PIEZO2: variants seen among roughly 807,000 people sequenced by gnomAD.
The protein encoded by PIEZO2 is piezo type mechanosensitive ion channel component 2.
In PIEZO2, 172 loss-of-function variants were observed where a neutral mutation model predicts 337.3. The ratio of observed to expected loss-of-function variants is 0.51; its 90% confidence interval spans 0.45 to 0.58. The LOEUF (loss-of-function observed/expected upper bound fraction) is 0.58, where lower values mean the gene tolerates loss of function less well. Ranked by LOEUF, PIEZO2 falls within the 20% of genes least tolerant of loss-of-function variation. The probability of loss-of-function intolerance (pLI) is 0.00; values close to 1 mark genes in which losing one functional copy is unlikely to be tolerated. For missense variants in PIEZO2, 3,028 were observed against 3,391.3 expected (o/e 0.89, Z 2.66); for synonymous variants, 1,251 against 1,228.5 (o/e 1.02, Z -0.38).
Position 10,773,627 on chromosome 18 carries a change from A to G in PIEZO2, c.2570T>C (p.Leu857Pro). Reference protein sequence around the residue: ...KKKLPIHQNELAHPEGSLPDL... With the variant: ...KKKLPIHQNEPAHPEGSLPDL... ...CGGGAGGCTTCCTTCCGGGTGGGCC[A>G]GTCTGTTGGCAGAGAGCAGCTGAGT... Residue 857 changes from leucine (L) to proline (P), a missense_variant and splice_region_variant, in exon 20 of 56, where the codon CTG (leucine) becomes CCG (proline). Physicochemically the swap from Leu to Pro is moderately conservative, Grantham distance 98. Around this residue, in one of 5 missense-constraint regions of PIEZO2, gnomAD observed 1,925 missense variants for 2,051.9 expected, o/e 0.94. Coordinates refer to ENST00000674853, the MANE Select transcript of PIEZO2 (RefSeq NM_001378183.1). The surrounding 1 kb of genome is among the most constrained non-coding windows in gnomAD (Gnocchi z 5.3). 3.3e-6 allele frequency: 5 copies of G among 1,537,242 alleles called. No individual in the cohort carries two copies. Among genetic ancestry groups the G allele is most frequent in the South Asian group, 2.4e-5 (2 of 84,056 alleles).
rs763442090 is a variant in PIEZO2 at position 10,858,086 on chromosome 18, C to G, written c.493-875G>C. On this transcript the variant is annotated intron_variant, in intron 5 of 55. Transcript: ENST00000674853. ...CCTGTAATCCCAGCACTTTGGGAGG[C>G]TGAGGCGGCCAGATCACGAAGTCAA... Among the ~76,000 whole-genome samples, 14 of 148,884 alleles carry G rather than the reference C, an allele frequency of 9.4e-5. No homozygotes were observed. The South Asian group carries it at 1.0e-3, about 11-fold the overall frequency.
At position 10,682,775 on chromosome 18, in the gene PIEZO2, T is replaced by TTGTATCATGTTGTTCAACACC. The variant is rs11283859; in HGVS notation, c.7498-484_7498-483insGGTGTTGAACAACATGATACA. ...TTAATTTAATTCATGACACGTGTTGTTAAAGACAATGTTGTTCGACACCTA... is the reference window on the plus strand; with the variant it reads ...TTAATTTAATTCATGACACGTGTTGTTGTATCATGTTGTTCAACACCTAAAGACAATGTTGTTCGACACCTA... On this transcript the variant is annotated intron_variant, in intron 49 of 55. Coordinates refer to ENST00000674853, the MANE Select transcript of PIEZO2 (RefSeq NM_001378183.1). The surrounding 1 kb of genome is among the most constrained non-coding windows in gnomAD (Gnocchi z 5.6). Among the ~76,000 whole-genome samples, 9 of 151,948 alleles carry TTGTATCATGTTGTTCAACACC rather than the reference T, an allele frequency of 5.9e-5. No homozygotes were observed. The highest frequency in any genetic ancestry group is 1.5e-4 in the African/African-American group (6 of 41,378).
chr18:10,851,810 G>A (rs2041561710), intron 7 of PIEZO2, among the ~76,000 whole-genome samples: 1 of 152,132 alleles, frequency 6.6e-6, no homozygotes, highest in South Asian at 2.1e-4. Context: ...TGAAAGAACT[G>A]TGACAAAGAG....
intron 48 of PIEZO2, 35 bp from the exon 49 acceptor site, chr18:10,689,837 G>T: frequency 1.3e-6 from 2 of 1,576,094 alleles, no homozygotes; most frequent in East Asian, 2.3e-5. Flanking sequence ...AGAGACATTC[G>T]TGGGTGGCCC....
chr18:10,984,599 C>A (rs1482091988), intron 2 of PIEZO2, among the ~76,000 whole-genome samples: 1 of 151,942 alleles, frequency 6.6e-6, no homozygotes, highest in African/African-American at 2.4e-5. Context: ...ACTTACAGGA[C>A]ACTATCAAGT....
chr18:10,911,102 T>A (rs1407349267), intron 4 of PIEZO2, 84 bp downstream of exon 4: 2 of 920,760 alleles, frequency 2.2e-6, no homozygotes, highest in Non-Finnish European at 3.1e-6. Context: ...ACAGGACTAT[T>A]GATTTATAAT....
rs868270297 is a variant in PIEZO2 at position 10,856,295 on chromosome 18, T to A, written c.703+706A>T. 5.7e-4 allele frequency among the ~76,000 whole-genome samples: 87 copies of A among 152,358 alleles called. 1 individual carries two copies. Among genetic ancestry groups the A allele is most frequent in the Middle Eastern group, 3.4e-3 (1 of 290 alleles). On this transcript the variant is annotated intron_variant, in intron 6 of 55. Transcript: ENST00000674853. The surrounding 1 kb of genome is among the most constrained non-coding windows in gnomAD (Gnocchi z 4.7). ...TTATTGGGCATTTTGAAAGGACTCC[T>A]CATTAAAATGTTGTGGTTTATTTCT...
chr18:10,801,726 G>A lies in PIEZO2; in HGVS notation c.1201-298C>T, dbSNP rs7241782. 0.28 allele frequency among the ~76,000 whole-genome samples: 42,525 copies of A among 152,002 alleles called. 6,967 individuals are homozygous for A. The highest frequency in any genetic ancestry group is 0.41 in the Middle Eastern group (120 of 294). ...TCTACAAGAATAAGCGCTTAGTTTT[G>A]TACCCGTTTGAGACATCTGCAGAAT... On this transcript the variant is annotated intron_variant, in intron 9 of 55. Transcript: ENST00000674853.
chr18:10,778,201 A>G (rs2038855007), intron 18 of PIEZO2, among the ~76,000 whole-genome samples: 1 of 152,208 alleles, frequency 6.6e-6, no homozygotes, highest in African/African-American at 2.4e-5. Flanking sequence ...TACTTTATTA[A>G]AGGATTCACC....
chr18:10,881,068 A>C (rs190907511), intron 4 of PIEZO2, among the ~76,000 whole-genome samples: 1 of 151,792 alleles, frequency 6.6e-6, no homozygotes, highest in African/African-American at 2.4e-5. Context: ...ATTCAAATCA[A>C]GGGATTCCAA....
chr18:10,948,077 C>G (rs1271982353), intron 3 of PIEZO2, among the ~76,000 whole-genome samples: 1 of 152,076 alleles, frequency 6.6e-6, no homozygotes, highest in Admixed American at 6.6e-5. Context: ...TTAAACATAT[C>G]AATTATCACA....
rs539595699 is a variant in PIEZO2 at position 11,106,418 on chromosome 18, C to CTTTTTTTTTT, written c.65-40206_65-40197dup. ...CGGCCCATTTTTTTCTTTCCTCTCT[C>CTTTTTTTTTT]TTTTTTTTTTTTTTTTTCTGAGACA... On this transcript the variant is annotated intron_variant, in intron 1 of 55. Coordinates refer to ENST00000674853, the MANE Select transcript of PIEZO2 (RefSeq NM_001378183.1). 1.5e-4 allele frequency among the ~76,000 whole-genome samples: 20 copies of CTTTTTTTTTT among 129,598 alleles called. 1 individual carries two copies. The highest frequency in any genetic ancestry group is 5.7e-4 in the African/African-American group (18 of 31,834). 85.0% of individuals were successfully genotyped at this position (129,598 alleles called of 152,430 possible).
In PIEZO2 at chr18:11,031,970, C is replaced by T. The variant is rs2036754798; in HGVS notation, c.160+34157G>A. ...TCTCTCTCTGTCTTTCTCTGTTTCT[C>T]TCTGTCTCTCTCTCACACACATACG... On this transcript the variant is annotated intron_variant, in intron 2 of 55. Coordinates refer to ENST00000674853, the MANE Select transcript of PIEZO2 (RefSeq NM_001378183.1). The surrounding 1 kb of genome is among the most constrained non-coding windows in gnomAD (Gnocchi z 4.7). Among the ~76,000 whole-genome samples the T allele has an allele frequency of 6.6e-6, 1 of 152,170 alleles. No homozygotes were observed. The highest frequency in any genetic ancestry group is 1.5e-5 in the Non-Finnish European group (1 of 68,036).
intron 3 of PIEZO2, among the ~76,000 whole-genome samples, chr18:10,938,825 G>A (rs2032548033): frequency 6.6e-6 from 1 of 152,172 alleles, no homozygotes; most frequent in Non-Finnish European, 1.5e-5. Flanking sequence ...AGTGGCTCAT[G>A]CCTGTAATCC....
In PIEZO2 at chr18:10,773,407, A is replaced by G; in HGVS notation, c.2785+5T>C. 3 of 1,537,200 alleles carry G rather than the reference A, an allele frequency of 2.0e-6. No individual in the cohort carries two copies. The highest frequency in any genetic ancestry group is 1.7e-6 in the Non-Finnish European group (2 of 1,146,912). On this transcript the variant is annotated splice_donor_5th_base_variant and intron_variant, in intron 20 of 55. Coordinates refer to ENST00000674853, the MANE Select transcript of PIEZO2 (RefSeq NM_001378183.1). The surrounding 1 kb of genome is among the most constrained non-coding windows in gnomAD (Gnocchi z 5.3). ...CTGACCAGCTGCTGGTAGTGGGCTG[A>G]TTACCTGATGTTTCTTCCTCCTCCT...
chr18:10,843,341 T>G (rs745354942), intron 7 of PIEZO2, among the ~76,000 whole-genome samples: 3 of 152,006 alleles, frequency 2.0e-5, no homozygotes, highest in Non-Finnish European at 2.9e-5. Flanking sequence ...ATAAAAAGTT[T>G]GATAGCTAAG....
chr18:11,005,359 C>T (rs112261937), intron 2 of PIEZO2, among the ~76,000 whole-genome samples: 4 of 152,300 alleles, frequency 2.6e-5, no homozygotes, highest in East Asian at 1.9e-4. Context: ...TATAACTTTG[C>T]GTTTGTCTTT....
In PIEZO2 at chr18:10,840,312, G is replaced by A. The variant is rs1052538564; in HGVS notation, c.917+15041C>T. On this transcript the variant is annotated intron_variant, in intron 7 of 55. Transcript: ENST00000674853. ...AATTAATACATAATTTACTTTCATCGAGATGCATGCTTGTGCCATGTATGT... is the reference window on the plus strand; with the variant it reads ...AATTAATACATAATTTACTTTCATCAAGATGCATGCTTGTGCCATGTATGT... Among the ~76,000 whole-genome samples, 14 of 152,052 alleles carry A rather than the reference G, an allele frequency of 9.2e-5. No individual in the cohort carries two copies. In the East Asian group the frequency reaches 1.2e-3, roughly 13 times the overall value.
At position 10,742,634 on chromosome 18, in the gene PIEZO2, T is replaced by C; in HGVS notation, c.4515-19A>G. On this transcript the variant is annotated intron_variant, in intron 31 of 55. Coordinates refer to ENST00000674853, the MANE Select transcript of PIEZO2 (RefSeq NM_001378183.1). The stretch of plus-strand genomic sequence containing the variant: ...ATCCATCCTATAAAGTAAAATAACA[T>C]TAGTAATGCCAAGAACATATTCATT... The C allele has an allele frequency of 6.5e-7, 1 of 1,536,514 alleles. No individual in the cohort carries two copies. The highest frequency in any genetic ancestry group is 8.7e-7 in the Non-Finnish European group (1 of 1,146,410).
Sources: gnomAD v4.1 joint callset for allele counts (sites outside exome capture counted in the v4.1 genomes callset) on GRCh38, gnomAD v4.1.1 for gene constraint, gnomAD v4.1.1 regional missense constraint, Gnocchi (gnomAD v3.1) non-coding constraint, MANE v1.5 for transcripts, NCBI Gene and HGNC (gene_info 2026-07-23, HGNC 2026-07-21) for gene names.